The following EPB41L5 variants were observed in gnomAD, a reference collection of about 807,000 sequenced individuals.
EPB41L5 encodes the protein erythrocyte membrane protein band 4.1 like 5.
A neutral mutation model predicts 106.6 loss-of-function variants in EPB41L5; 55 were observed. That is an observed-to-expected ratio of 0.52 (90% CI 0.42 to 0.65). The LOEUF is 0.65. Ranked by LOEUF, EPB41L5 falls within the 30% of genes least tolerant of loss-of-function variation. EPB41L5 has a pLI of 0.00. For synonymous variants in EPB41L5, 297 were observed against 306.7 expected (o/e 0.97, Z 0.33); for missense variants, 871 against 882.1 (o/e 0.99, Z 0.16).
intron 14 of EPB41L5, among the ~76,000 whole-genome samples, chr2:120,093,718 T>C (rs956481252): frequency 1.3e-5 from 2 of 152,216 alleles, no homozygotes; most frequent in Non-Finnish European, 1.5e-5. Context: ...TTTGTGTGTC[T>C]ATTCATCAGA....
At chr2:120,038,147 C>A (rs555839605) in intron 2 of EPB41L5, among the ~76,000 whole-genome samples, 251 of 152,176 alleles carry the variant, frequency 1.6e-3, no homozygotes, top group Admixed American at 3.8e-3. Flanking sequence ...GATTAATATC[C>A]AGAATATATA....
intron 2 of EPB41L5, among the ~76,000 whole-genome samples, chr2:120,026,941 G>A (rs1596864): frequency 0.25 from 37,397 of 152,090 alleles, 4,874 homozygotes; most frequent in South Asian, 0.35. Flanking sequence ...TAAATGACCA[G>A]CAAGCACATG....
intron 5 of EPB41L5, 67 bp from the exon 6 acceptor site, chr2:120,075,409 A>G (rs567038738): frequency 2.6e-6 from 3 of 1,135,410 alleles, no homozygotes; most frequent in Admixed American, 1.9e-5. Context: ...TCAAGTTAGA[A>G]GTGTAAGATT....
At chr2:120,121,044 G>T (rs1229327711) in intron 16 of EPB41L5, among the ~76,000 whole-genome samples, 1 of 152,014 alleles carries the variant, frequency 6.6e-6, no homozygotes, top group African/African-American at 2.4e-5. Flanking sequence ...CCAAACCCAG[G>T]AGGCAGAGGC....
intron 10 of EPB41L5, among the ~76,000 whole-genome samples, chr2:120,081,041 T>G (rs940000229): frequency 2.0e-5 from 3 of 152,140 alleles, no homozygotes; most frequent in Non-Finnish European, 4.4e-5. Flanking sequence ...TGCAAAACTT[T>G]TCTCTCATTC....
At chr2:120,073,971 A>C in intron 4 of EPB41L5, 129 bp from the exon 5 acceptor site, 1 of 657,162 alleles carries the variant, frequency 1.5e-6, no homozygotes, top group Non-Finnish European at 2.6e-6. Flanking sequence ...CCTATGATCT[A>C]ACCTGCAATA....
Position 120,091,601 on chromosome 2 carries a change from T to A in EPB41L5, c.1090T>A (p.Ser364Thr). The A allele has an allele frequency of 6.2e-7, 1 of 1,613,834 alleles. No individual in the cohort carries two copies. The highest frequency in any genetic ancestry group is 8.5e-7 in the Non-Finnish European group (1 of 1,179,860). Residue 364 changes from serine to threonine, a missense_variant, in exon 13 of 25, where the codon TCA becomes ACA. Physicochemically the swap from Ser to Thr is moderately conservative, Grantham distance 58 (BLOSUM62 1). Coordinates refer to ENST00000263713, the MANE Select transcript of EPB41L5 (RefSeq NM_020909.4). Reference protein sequence around the residue: ...QTTKTNKARRSTSFERRPSKR... With the variant: ...QTTKTNKARRTTSFERRPSKR... ...CACAAAAACCAATAAAGCAAGAAGA[T>A]CAACATCCTTTGAAAGAAGGCCCAG...
chr2:120,096,620 T>G (rs1431232392), intron 14 of EPB41L5, among the ~76,000 whole-genome samples: 1 of 151,994 alleles, frequency 6.6e-6, no homozygotes, highest in Admixed American at 6.6e-5. Context: ...CAAGACCCCA[T>G]CTCTACTAAA....
intron 16 of EPB41L5, chr2:120,105,352 T>C: frequency 1.0e-6 from 1 of 973,152 alleles, no homozygotes; most frequent in Non-Finnish European, 1.2e-6. Flanking sequence ...TCGAAGAGTT[T>C]ATAATGCTTC....
chr2:120,096,130 T>C lies in EPB41L5; in HGVS notation c.1178+2854T>C, dbSNP rs529266847. 7.5e-4 allele frequency among the ~76,000 whole-genome samples: 114 copies of C among 152,330 alleles called. 1 individual carries two copies. Among genetic ancestry groups the C allele is most frequent in the African/African-American group, 2.5e-3 (105 of 41,566 alleles). ...AATTTATTTTTGAATTTGTCTGTAC[T>C]CTTATATGGCAGTTGTCTCACTAGA... On this transcript the variant is annotated intron_variant, in intron 14 of 24. Coordinates refer to ENST00000263713, the MANE Select transcript of EPB41L5 (RefSeq NM_020909.4).
chr2:120,048,479 T>G (rs921985611), intron 3 of EPB41L5, among the ~76,000 whole-genome samples: 1 of 152,336 alleles, frequency 6.6e-6, no homozygotes, highest in Admixed American at 6.5e-5. Context: ...GATGGTAGTT[T>G]GTATTTCTGT....
At chr2:120,081,861 CTT>C (rs1682694073) in intron 10 of EPB41L5, among the ~76,000 whole-genome samples, 1 of 152,094 alleles carries the variant, frequency 6.6e-6, no homozygotes, top group Non-Finnish European at 1.5e-5. Context: ...ATTTTATTCT[CTT>C]TGAAGCAATT....
At chr2:120,167,744 A>G in intron 23 of EPB41L5, 133 bp from the exon 24 acceptor site, 1 of 1,227,032 alleles carries the variant, frequency 8.1e-7, no homozygotes, top group South Asian at 1.4e-5. Flanking sequence ...TAAGAAAAAC[A>G]AAACAAACAG....
chr2:120,113,433 A>G (rs1348811201), intron 16 of EPB41L5, among the ~76,000 whole-genome samples: 2 of 152,262 alleles, frequency 1.3e-5, no homozygotes, highest in Non-Finnish European at 2.9e-5. Context: ...GGAAATAGGT[A>G]GAAGAAAGAA....
intron 16 of EPB41L5, among the ~76,000 whole-genome samples, chr2:120,123,063 C>T (rs1685299019): frequency 6.6e-6 from 1 of 152,120 alleles, no homozygotes; most frequent in African/African-American, 2.4e-5. Flanking sequence ...ATTTTGGGCT[C>T]AGCAGTCCTT....
intron 11 of EPB41L5, among the ~76,000 whole-genome samples, chr2:120,089,271 A>G (rs970882878): frequency 2.0e-5 from 3 of 152,134 alleles, no homozygotes; most frequent in Admixed American, 2.0e-4. Flanking sequence ...TTTTAGAGAA[A>G]GATAAATACA....
chr2:120,163,917 A>G (rs568790659), intron 21 of EPB41L5, among the ~76,000 whole-genome samples: 9 of 150,842 alleles, frequency 6.0e-5, no homozygotes, highest in Admixed American at 1.3e-4. Context: ...GTGCCAGTGC[A>G]CTTCAGCCTG....
At position 120,131,683 on chromosome 2, in the gene EPB41L5, C is replaced by G; in HGVS notation, c.1567C>G (p.Arg523Gly). 6.2e-7 allele frequency: 1 copy of G among 1,613,688 alleles called. No individual in the cohort carries two copies. Among genetic ancestry groups the G allele is most frequent in the Non-Finnish European group, 8.5e-7 (1 of 1,179,796 alleles). Reference protein sequence around the residue: ...EMENSPLLSPRSNIDVNINSQ... With the variant: ...EMENSPLLSPGSNIDVNINSQ... Reference sequence around the variant, plus strand: ...GGAGAACAGTCCTTTGCTGTCCCCTCGATCCAACATCGATGTTAACATAAA... The same window carrying G: ...GGAGAACAGTCCTTTGCTGTCCCCTGGATCCAACATCGATGTTAACATAAA... The change falls in exon 18 of 25, where the codon CGA becomes GGA. Residue 523 changes from arginine (R) to glycine (G), a missense_variant. By Grantham distance (125) the Arg-to-Gly change is moderately radical (BLOSUM62 -2). Coordinates refer to ENST00000263713, the MANE Select transcript of EPB41L5 (RefSeq NM_020909.4).
intron 14 of EPB41L5, among the ~76,000 whole-genome samples, chr2:120,095,349 TTTTCA>T (rs1196786214): frequency 1.3e-5 from 2 of 152,192 alleles, no homozygotes; most frequent in African/African-American, 4.8e-5. Context: ...TGATATAACC[TTTTCA>T]TCAAGTCTGG....
Sources: allele counts gnomAD v4.1 joint callset (sites outside exome capture counted in the v4.1 genomes callset), GRCh38; gene constraint gnomAD v4.1.1; transcripts MANE v1.5; gene names NCBI Gene and HGNC (gene_info 2026-07-23, HGNC 2026-07-21).